The following PDSS2 variants were observed in gnomAD, a reference collection of about 807,000 sequenced individuals.
The protein encoded by PDSS2 is decaprenyl diphosphate synthase subunit 2.
In PDSS2, 31 loss-of-function variants were observed where a neutral mutation model predicts 44.5. That is an observed-to-expected ratio of 0.70 (90% CI 0.52 to 0.94). The LOEUF is 0.94. Among genes scored for constraint, PDSS2 ranks in the 40% least tolerant of loss-of-function variants. PDSS2 has a pLI of 0.00. For missense variants in PDSS2, 452 were observed against 482.2 expected (o/e 0.94, Z 0.59); for synonymous variants, 157 against 180.3 (o/e 0.87, Z 1.03).
intron 1 of PDSS2, among the ~76,000 whole-genome samples, chr6:107,377,847 G>A (rs909767640): frequency 1.3e-5 from 2 of 151,822 alleles, no homozygotes; most frequent in African/African-American, 4.8e-5. Flanking sequence ...GAGAACACAT[G>A]GACACAGGAA....
intron 1 of PDSS2, among the ~76,000 whole-genome samples, chr6:107,387,429 T>G (rs940303728): frequency 1.3e-5 from 2 of 152,186 alleles, no homozygotes; most frequent in Non-Finnish European, 2.9e-5. Context: ...CCTTTAACTC[T>G]CATTTTTGCT....
intron 1 of PDSS2, among the ~76,000 whole-genome samples, chr6:107,444,502 G>A (rs180741383): frequency 5.3e-5 from 8 of 152,238 alleles, no homozygotes; most frequent in Non-Finnish European, 7.4e-5. Flanking sequence ...ATTCCTGGAC[G>A]GCAGCAACTG....
intron 7 of PDSS2, among the ~76,000 whole-genome samples, chr6:107,160,144 A>T (rs897532420): frequency 2.6e-5 from 4 of 152,184 alleles, no homozygotes; most frequent in Non-Finnish European, 5.9e-5. Context: ...TGAACTCAGG[A>T]AGTGGAGGTT....
At chr6:107,322,451 G>A (rs1777409573) in intron 2 of PDSS2, among the ~76,000 whole-genome samples, 1 of 152,120 alleles carries the variant, frequency 6.6e-6, no homozygotes, top group Non-Finnish European at 1.5e-5. Context: ...CCTGGGAGGT[G>A]GAGGTTGCAG....
rs147928185 is a variant in PDSS2 at position 107,452,522 on chromosome 6, G to A, written c.296+6468C>T. Among the ~76,000 whole-genome samples the A allele has an allele frequency of 1.1e-4, 16 of 150,636 alleles. No homozygotes were observed. In the East Asian group the frequency reaches 2.6e-3, roughly 24 times the overall value. ...TCTGGGATTACAGGCATGAGCCACC[G>A]CACCCAACCTCTTGAGTTCAGAGAT... On this transcript the variant is annotated intron_variant, in intron 1 of 7. Coordinates refer to ENST00000369037, the MANE Select transcript of PDSS2 (RefSeq NM_020381.4).
chr6:107,213,018 CTTTTT>C (rs1773280440), intron 4 of PDSS2, among the ~76,000 whole-genome samples: 1 of 151,774 alleles, frequency 6.6e-6, no homozygotes, highest in East Asian at 2.0e-4. Flanking sequence ...CTCTCCCCCT[CTTTTT>C]ATTTGAGACA....
intron 1 of PDSS2, among the ~76,000 whole-genome samples, chr6:107,357,368 GA>G (rs1778625420): frequency 6.6e-6 from 1 of 152,046 alleles, no homozygotes; most frequent in African/African-American, 2.4e-5. Flanking sequence ...GCAATGCCTA[GA>G]TTTCCAGAGT....
At chr6:107,167,990 G>A (rs1771417026) in intron 7 of PDSS2, among the ~76,000 whole-genome samples, 1 of 152,126 alleles carries the variant, frequency 6.6e-6, no homozygotes, top group Admixed American at 6.6e-5. Context: ...ATGTCTATTA[G>A]GTCCGCTTGG....
At chr6:107,210,082 C>T (rs1295154590) in intron 6 of PDSS2, among the ~76,000 whole-genome samples, 5 of 151,896 alleles carry the variant, frequency 3.3e-5, no homozygotes, top group African/African-American at 4.8e-5. Flanking sequence ...GCAGCTTGTG[C>T]GAGAGTCCAC....
At chr6:107,266,529 G>GA (rs1197759401) in intron 3 of PDSS2, among the ~76,000 whole-genome samples, 2 of 151,140 alleles carry the variant, frequency 1.3e-5, no homozygotes, top group South Asian at 2.1e-4. Flanking sequence ...ATCAAATTCA[G>GA]AAAAAAACAT....
chr6:107,263,103 CTATTT>C lies in PDSS2; in HGVS notation c.630+10921_630+10925del, dbSNP rs199581300. Among the ~76,000 whole-genome samples, 17 of 151,854 alleles carry C rather than the reference CTATTT, an allele frequency of 1.1e-4. No homozygotes were observed. The East Asian group carries it at 3.3e-3, about 29-fold the overall frequency. ...AATATTTCTTGTTCAGTTTGTTTTC[CTATTT>C]TATTTATTTGCAGGTATTGTAGAAT... On this transcript the variant is annotated intron_variant, in intron 3 of 7. Coordinates refer to ENST00000369037, the MANE Select transcript of PDSS2 (RefSeq NM_020381.4).
chr6:107,409,153 A>G (rs1780413251), intron 1 of PDSS2, among the ~76,000 whole-genome samples: 1 of 152,232 alleles, frequency 6.6e-6, no homozygotes, highest in African/African-American at 2.4e-5. Flanking sequence ...GGAAGAAAAT[A>G]TTAAGCAGCA....
chr6:107,181,314 A>G (rs1771968634), intron 7 of PDSS2, among the ~76,000 whole-genome samples: 1 of 149,994 alleles, frequency 6.7e-6, no homozygotes, highest in Non-Finnish European at 1.5e-5. Flanking sequence ...GCGGGTAATC[A>G]CCTCCCAAAG....
In PDSS2 at chr6:107,424,036, C is replaced by CATTTTTTTTTTTTTTTTTTTTTTTT. The variant is rs1554279679; in HGVS notation, c.296+34953_296+34954insAAAAAAAAAAAAAAAAAAAAAAAAT. Reference sequence around the variant, plus strand: ...AATTATGATTATTTTTATCTTGCATCTTTTTTTTTTTTTTTTTTTTTTTGG... The same window carrying CATTTTTTTTTTTTTTTTTTTTTTTT: ...AATTATGATTATTTTTATCTTGCATCATTTTTTTTTTTTTTTTTTTTTTTTTTTTTTTTTTTTTTTTTTTTTTTGG... On this transcript the variant is annotated intron_variant, in intron 1 of 7. Coordinates refer to ENST00000369037, the MANE Select transcript of PDSS2 (RefSeq NM_020381.4). Among the ~76,000 whole-genome samples the CATTTTTTTTTTTTTTTTTTTTTTTT allele has an allele frequency of 5.5e-5, 5 of 90,586 alleles. 1 individual carries two copies. The highest frequency in any genetic ancestry group is 1.3e-4 in the Admixed American group (1 of 7,480). 59.4% of individuals were successfully genotyped at this position (90,586 alleles called of 152,430 possible). A position where few individuals can be genotyped will look rare whatever the true frequency, so the allele number is the denominator to read the frequency against.
chr6:107,458,921 G>T, intron 1 of PDSS2, 69 bp downstream of exon 1: 1 of 1,382,062 alleles, frequency 7.2e-7, no homozygotes, highest in Non-Finnish European at 1.0e-6. Context: ...GAGCTAGAAT[G>T]CGTATGCCCG....
rs566896592 is a variant in PDSS2 at position 107,198,911 on chromosome 6, G to C, written c.1009-5057C>G. On this transcript the variant is annotated intron_variant, in intron 6 of 7. Transcript: ENST00000369037. ...CTTAGGAGGCTGAGGTGGGCAAATT[G>C]ATTAAGTCCAGGAGGTCAAGGCTGC... 3.0e-4 allele frequency among the ~76,000 whole-genome samples: 45 copies of C among 152,266 alleles called. No individual in the cohort carries two copies. In the South Asian group the frequency reaches 8.7e-3, roughly 29 times the overall value.
intron 6 of PDSS2, among the ~76,000 whole-genome samples, chr6:107,201,564 T>C (rs908107403): frequency 6.6e-6 from 1 of 152,152 alleles, no homozygotes; most frequent in Non-Finnish European, 1.5e-5. Flanking sequence ...CGTTTTTTTA[T>C]AAGTCAGGTA....
intron 7 of PDSS2, among the ~76,000 whole-genome samples, chr6:107,182,503 G>A (rs1168194675): frequency 6.6e-6 from 1 of 152,030 alleles, no homozygotes; most frequent in Non-Finnish European, 1.5e-5. Flanking sequence ...TTTTGTATCT[G>A]TAGTAGAGAC....
intron 3 of PDSS2, among the ~76,000 whole-genome samples, chr6:107,260,820 T>C (rs1156730828): frequency 1.3e-5 from 2 of 151,878 alleles, no homozygotes; most frequent in Non-Finnish European, 2.9e-5. Flanking sequence ...CCCGCCACTA[T>C]GCCCGGCTAA....
Sources: allele counts gnomAD v4.1 joint callset (sites outside exome capture counted in the v4.1 genomes callset), GRCh38; gene constraint gnomAD v4.1.1; transcripts MANE v1.5; gene names NCBI Gene and HGNC (gene_info 2026-07-23, HGNC 2026-07-21).